RGCC: variants seen among roughly 807,000 people sequenced by gnomAD.
RGCC encodes regulator of cell cycle RGCC.
RGCC carries 15 observed loss-of-function variants against 15.4 expected under a neutral mutation model. The ratio of observed to expected loss-of-function variants is 0.97; its 90% confidence interval spans 0.65 to 1.50. The LOEUF (loss-of-function observed/expected upper bound fraction) is 1.50, where lower values mean the gene tolerates loss of function less well. Among genes scored for constraint, RGCC ranks in the 40% most tolerant of loss-of-function variants. The pLI is 0.00. For missense variants in RGCC, 176 were observed against 189.7 expected (o/e 0.93, Z 0.42); for synonymous variants, 81 against 78.0 (o/e 1.04, Z -0.20).
intron 2 of RGCC, among the ~76,000 whole-genome samples, chr13:41,466,392 C>G (rs552644809): frequency 4.6e-5 from 7 of 152,112 alleles, no homozygotes; most frequent in African/African-American, 1.7e-4. Context: ...AACCTGTTTT[C>G]TAATCTTTTT....
At chr13:41,465,785 C>T (rs2043844025) in intron 2 of RGCC, among the ~76,000 whole-genome samples, 1 of 152,090 alleles carries the variant, frequency 6.6e-6, no homozygotes, top group Non-Finnish European at 1.5e-5. Flanking sequence ...CTTAGGAAAA[C>T]CTCTCTTAAG....
rs1364073496 is a variant in RGCC, at chr13:41,468,751, TCTCTCTCC to T, written c.344-19_344-12del. The T allele has an allele frequency of 6.3e-6, 10 of 1,579,640 alleles. No individual in the cohort carries two copies. Among genetic ancestry groups the T allele is most frequent in the Non-Finnish European group, 8.6e-6 (10 of 1,156,498 alleles). On this transcript the variant is annotated splice_polypyrimidine_tract_variant and intron_variant, in intron 3 of 4. Transcript: ENST00000379359. ...ATGGAAACTGAACTCTCTCTCTCTCTCTCTCTCCCTCTCCTGTTTCACAGCTAAATTAG... is the reference window on the plus strand; with the variant it reads ...ATGGAAACTGAACTCTCTCTCTCTCTCTCTCCTGTTTCACAGCTAAATTAG...
At chr13:41,470,450 G>A (rs554247995) in intron 4 of RGCC, 28 bp from the exon 5 acceptor site, 1 of 1,612,218 alleles carries the variant, frequency 6.2e-7, no homozygotes, top group African/African-American at 1.3e-5. Flanking sequence ...CCTCTGAGTG[G>A]ATAACCTTAC....
intron 4 of RGCC, among the ~76,000 whole-genome samples, chr13:41,469,283 T>TAAGAAGAAGAAGAAG (rs1232529655): frequency 1.7e-5 from 2 of 115,798 alleles, no homozygotes; most frequent in African/African-American, 6.8e-5. Context: ...ATAATAATAA[T>TAAGAAGAAGAAGAAG]AATAATAATA....
chr13:41,460,163 A>G (rs1464570018), intron 2 of RGCC, among the ~76,000 whole-genome samples: 1 of 152,212 alleles, frequency 6.6e-6, no homozygotes, highest in African/African-American at 2.4e-5. Flanking sequence ...AAGTGATGGG[A>G]AGAACATAAA....
At chr13:41,463,233 T>TG (rs1012159876) in intron 2 of RGCC, among the ~76,000 whole-genome samples, 3 of 152,118 alleles carry the variant, frequency 2.0e-5, no homozygotes, top group South Asian at 2.1e-4. Context: ...GGTGTAGCTT[T>TG]GGGGCCTTGA....
At chr13:41,467,893 G>A (rs2139578175) in intron 3 of RGCC, among the ~76,000 whole-genome samples, 1 of 152,136 alleles carries the variant, frequency 6.6e-6, no homozygotes, top group Admixed American at 6.5e-5. Flanking sequence ...ATTAAAGAGG[G>A]AAAAAAAGCC....
intron 2 of RGCC, among the ~76,000 whole-genome samples, chr13:41,463,510 A>T (rs1319282524): frequency 5.4e-5 from 1 of 18,632 alleles, no homozygotes; most frequent in African/African-American, 2.2e-4. Flanking sequence ...TGTGGTGGGC[A>T]GGGCGGGGGC....
intron 2 of RGCC, among the ~76,000 whole-genome samples, chr13:41,463,796 A>G (rs2043834151): frequency 6.6e-6 from 1 of 152,046 alleles, no homozygotes; most frequent in Admixed American, 6.5e-5. Context: ...AGTTATGCTG[A>G]GTCTTTCCTG....
At position 41,458,272 on chromosome 13, in the gene RGCC, GC is replaced by G; in HGVS notation, c.50-10del. On this transcript the variant is annotated splice_polypyrimidine_tract_variant and intron_variant, in intron 1 of 4. Coordinates refer to ENST00000379359, the MANE Select transcript of RGCC (RefSeq NM_014059.3). The surrounding 1 kb of genome is among the most constrained non-coding windows in gnomAD (Gnocchi z 4.4). ...CTGACTTCCGTGCACTGAGCCCCTGGCCCTGCCCGCAGCCCCGGCCCTGGAC... is the reference window on the plus strand; with the variant it reads ...CTGACTTCCGTGCACTGAGCCCCTGGCCTGCCCGCAGCCCCGGCCCTGGAC... 1 of 1,557,902 alleles carries G rather than the reference GC, an allele frequency of 6.4e-7. No individual in the cohort carries two copies. The highest frequency in any genetic ancestry group is 2.1e-4 in the Middle Eastern group (1 of 4,818).
intron 2 of RGCC, among the ~76,000 whole-genome samples, chr13:41,462,142 C>T (rs1471270971): frequency 6.6e-6 from 1 of 152,152 alleles, no homozygotes; most frequent in Non-Finnish European, 1.5e-5. Context: ...CTTTCTTTTT[C>T]TTGGTTAATT....
chr13:41,464,682 G>T (rs546709442), intron 2 of RGCC, among the ~76,000 whole-genome samples: 1 of 152,192 alleles, frequency 6.6e-6, no homozygotes, highest in African/African-American at 2.4e-5. Context: ...TGTTTCTCAG[G>T]TGTACCTGAT....
At position 41,457,744 on chromosome 13, in the gene RGCC, G is replaced by A. The variant is rs2043799723; in HGVS notation, c.37G>A (p.Ala13Thr). ...CGCGGCGCAGGGCAGCCCCGCGGCC[G>A]CCGCGGCCGCAGGTGAGTGCGGGGT... ...PPAAQGSPAA[A>T]AAAAPALDSA... is the part of the protein sequence containing the mutation. The change falls in exon 1 of 5, where the codon GCC becomes ACC. Residue 13 changes from alanine (A) to threonine (T), a missense_variant. Coordinates refer to ENST00000379359, the MANE Select transcript of RGCC (RefSeq NM_014059.3). This position sits in a 1 kb window ranked among gnomAD's most constrained non-coding sequence, Gnocchi z 4.9. The A allele has an allele frequency of 1.4e-6, 2 of 1,398,636 alleles. No homozygotes were observed. Among genetic ancestry groups the A allele is most frequent in the South Asian group, 1.7e-5 (1 of 59,856 alleles). 86.6% of individuals were successfully genotyped at this position (1,398,636 alleles called of 1,614,324 possible). A position where few individuals can be genotyped will look rare whatever the true frequency, so the allele number is the denominator to read the frequency against.
chr13:41,458,136 A>G lies in RGCC; in HGVS notation c.50-149A>G, dbSNP rs2043801978. 2 of 673,602 alleles carry G rather than the reference A, an allele frequency of 3.0e-6. No individual in the cohort carries two copies. Among genetic ancestry groups the G allele is most frequent in the Non-Finnish European group, 4.9e-6 (2 of 405,784 alleles). The allele number at this position is 673,602 out of a possible 1,614,324, so 41.7% of individuals were successfully genotyped here. On this transcript the variant is annotated intron_variant, in intron 1 of 4. Transcript: ENST00000379359. This position sits in a 1 kb window ranked among gnomAD's most constrained non-coding sequence, Gnocchi z 4.4. ...CACTTCGGGGGTGGTGGAGAAGATT[A>G]CAAGGTAACAGCGACTGCGTGGCTG... is the stretch of plus-strand genomic sequence containing the variant.
At chr13:41,463,550 G>A (rs1157863388) in intron 2 of RGCC, among the ~76,000 whole-genome samples, 3 of 151,812 alleles carry the variant, frequency 2.0e-5, no homozygotes, top group Non-Finnish European at 4.4e-5. Context: ...TAGCTGTGCT[G>A]CCATGCCTCT....
Position 41,457,718 on chromosome 13 carries a change from C to T in RGCC, c.11C>T (p.Pro4Leu). The T allele has an allele frequency of 6.8e-7, 1 of 1,477,212 alleles. No homozygotes were observed. The highest frequency in any genetic ancestry group is 1.3e-5 in the South Asian group (1 of 75,674). 91.5% of individuals were successfully genotyped at this position (1,477,212 alleles called of 1,614,324 possible). The change falls in exon 1 of 5, where the codon CCC becomes CTC. Residue 4 changes from proline to leucine, a missense_variant. Pro to Leu is a moderately conservative substitution (Grantham distance 98). Coordinates refer to ENST00000379359, the MANE Select transcript of RGCC (RefSeq NM_014059.3). The surrounding 1 kb of genome is among the most constrained non-coding windows in gnomAD (Gnocchi z 4.9). The part of the protein sequence containing the change: MKP[P>L]AAQGSPAAAA... ...CAGCTGAGCCGCCTCATGAAGCCGC[C>T]CGCGGCGCAGGGCAGCCCCGCGGCC...
chr13:41,469,154 G>C (rs1032995142), intron 4 of RGCC, among the ~76,000 whole-genome samples: 3 of 151,988 alleles, frequency 2.0e-5, no homozygotes, highest in African/African-American at 7.3e-5. Flanking sequence ...CCAGCTTCTT[G>C]GGAGGCTGAG....
chr13:41,460,165 G>A (rs980877736), intron 2 of RGCC, among the ~76,000 whole-genome samples: 2 of 152,172 alleles, frequency 1.3e-5, no homozygotes, highest in Non-Finnish European at 2.9e-5. Flanking sequence ...GTGATGGGAA[G>A]AACATAAAGA....
rs912176890 is a variant in RGCC, at chr13:41,458,524, G to A, written c.235+54G>A. ...CGGGATCTCCCAGCTCCCAGGACCTGCCCCGCGAAGGCTGCGGCCTCAGTT... is the reference window on the plus strand; with the variant it reads ...CGGGATCTCCCAGCTCCCAGGACCTACCCCGCGAAGGCTGCGGCCTCAGTT... On this transcript the variant is annotated intron_variant, in intron 2 of 4. Transcript: ENST00000379359. The surrounding 1 kb of genome is among the most constrained non-coding windows in gnomAD (Gnocchi z 4.4). 71 of 1,515,396 alleles carry A rather than the reference G, an allele frequency of 4.7e-5. No individual in the cohort carries two copies. In the Admixed American group the frequency reaches 1.4e-3, roughly 31 times the overall value. The allele number at this position is 1,515,396 out of a possible 1,614,324, so 93.9% of individuals were successfully genotyped here. A position where few individuals can be genotyped will look rare whatever the true frequency, so the allele number is the denominator to read the frequency against.
Sources: allele counts gnomAD v4.1 joint callset (sites outside exome capture counted in the v4.1 genomes callset), GRCh38; gene constraint gnomAD v4.1.1; non-coding constraint Gnocchi (gnomAD v3.1); transcripts MANE v1.5; gene names NCBI Gene and HGNC (gene_info 2026-07-23, HGNC 2026-07-21).